The following ABAT variants were observed in gnomAD, a reference collection of about 807,000 sequenced individuals.
ABAT encodes 4-aminobutyrate aminotransferase, also known as 4-aminobutyrate aminotransferase, mitochondrial.
In ABAT, 45 loss-of-function variants were observed where a neutral mutation model predicts 64.6. That is an observed-to-expected ratio of 0.70 (90% CI 0.55 to 0.89). ABAT has a LOEUF of 0.89. ABAT is among the 40% of genes least tolerant of loss of function. The pLI, the probability that ABAT is intolerant of heterozygous loss-of-function variation, is 0.00. For synonymous variants in ABAT, 297 were observed against 250.5 expected, an observed-to-expected ratio of 1.19 and a Z score of -1.75; for missense variants, 633 against 658.4, an observed-to-expected ratio of 0.96 and a Z score of 0.42.
intron 1 of ABAT, among the ~76,000 whole-genome samples, chr16:8,691,048 GA>G (rs34531177): frequency 0.24 from 34,583 of 146,598 alleles, 4,449 homozygotes; most frequent in East Asian, 0.62. Context: ...TGTGTTGGGG[GA>G]AAAAAAAAAA....
intron 1 of ABAT, among the ~76,000 whole-genome samples, chr16:8,690,425 C>A (rs1256682052): frequency 6.6e-6 from 1 of 152,166 alleles, no homozygotes; most frequent in Middle Eastern, 3.2e-3. Flanking sequence ...TGCCTAAGAC[C>A]ACACACCTTC....
intron 1 of ABAT, among the ~76,000 whole-genome samples, chr16:8,683,047 C>T (rs1327822311): frequency 2.0e-5 from 3 of 152,358 alleles, no homozygotes; most frequent in East Asian, 3.9e-4. Flanking sequence ...TGAGCTGAAG[C>T]ATCTTTCAGG....
chr16:8,749,588 A>G (rs1278684623), intron 4 of ABAT, among the ~76,000 whole-genome samples: 1 of 146,286 alleles, frequency 6.8e-6, no homozygotes, highest in Non-Finnish European at 1.5e-5. Flanking sequence ...TAGTAGAGAC[A>G]AGATTTCACC....
At chr16:8,779,909 A>G (rs1030029596) in intron 15 of ABAT, among the ~76,000 whole-genome samples, 1 of 152,186 alleles carries the variant, frequency 6.6e-6, no homozygotes, top group African/African-American at 2.4e-5. Flanking sequence ...GGCTTTACAC[A>G]TGGCATTTCA....
At chr16:8,734,016 T>C (rs1463432083) in intron 1 of ABAT, among the ~76,000 whole-genome samples, 1 of 152,204 alleles carries the variant, frequency 6.6e-6, no homozygotes, top group Non-Finnish European at 1.5e-5. Flanking sequence ...GGATACAGCA[T>C]ATTTTTTCCC....
intron 4 of ABAT, 67 bp downstream of exon 4, chr16:8,748,204 C>T: frequency 2.1e-6 from 3 of 1,416,890 alleles, no homozygotes; most frequent in South Asian, 2.3e-5. Context: ...AAGACAGATG[C>T]TTAATCTGTT....
intron 1 of ABAT, among the ~76,000 whole-genome samples, chr16:8,723,602 G>C (rs1017312818): frequency 2.0e-5 from 3 of 152,004 alleles, no homozygotes; most frequent in African/African-American, 7.3e-5. Flanking sequence ...GCAAGTCAGA[G>C]ACAGAGTAAA....
chr16:8,694,277 C>G (rs1018590215), intron 1 of ABAT, among the ~76,000 whole-genome samples: 2 of 152,008 alleles, frequency 1.3e-5, no homozygotes, highest in African/African-American at 2.4e-5. Flanking sequence ...CCCGCCTCGG[C>G]CTTCCAAAGT....
chr16:8,725,579 C>T (rs1435983398), intron 1 of ABAT, among the ~76,000 whole-genome samples: 2 of 152,194 alleles, frequency 1.3e-5, no homozygotes, highest in East Asian at 1.9e-4. Flanking sequence ...AATAATATTT[C>T]GTTGTAAGGA....
chr16:8,690,464 A>G (rs895945337), intron 1 of ABAT, among the ~76,000 whole-genome samples: 11 of 152,214 alleles, frequency 7.2e-5, no homozygotes, highest in African/African-American at 2.2e-4. Flanking sequence ...GTCTCCAACA[A>G]TATATTTTTC....
rs768593186 is a variant in ABAT, at chr16:8,776,471, C to G, written c.1250C>G (p.Thr417Arg). 2 of 1,614,108 alleles carry G rather than the reference C, an allele frequency of 1.2e-6. No individual in the cohort carries two copies. The highest frequency in any genetic ancestry group is 1.7e-6 in the Non-Finnish European group (2 of 1,180,018). ...NAAHAGKALL[T>R]GLLDLQARYP... ...GCCCATGCCGGGAAGGCCCTGCTCA[C>G]AGGACTGCTGGACCTCCAGGTAACA... The change falls in exon 14 of 16, where the codon ACA becomes AGA. Residue 417 changes from threonine to arginine, a missense_variant. Physicochemically the swap from Thr to Arg is moderately conservative, Grantham distance 71. Transcript: ENST00000268251. The surrounding 1 kb of genome is among the most constrained non-coding windows in gnomAD (Gnocchi z 4.4).
chr16:8,759,080 T>C (rs1273432), intron 6 of ABAT, among the ~76,000 whole-genome samples: 144,747 of 152,084 alleles, frequency 0.95, 69,144 homozygotes, highest in East Asian at 1. Context: ...CCAGCTTGGG[T>C]GACAGAGGGA....
chr16:8,735,754 G>A lies in ABAT; in HGVS notation c.15G>A (p.Leu5=), dbSNP rs1408438024. ...CTCAAGGGGTCATGGCCTCCATGTT[G>A]CTCGCCCAGCGCCTGGCCTGCAGCT... The part of the protein sequence containing the change: MASM[L]LAQRLACSFQ... The change falls in exon 2 of 16, where the codon TTG becomes TTA. Residue 5 remains leucine, a synonymous_variant. Transcript: ENST00000268251. The A allele has an allele frequency of 1.9e-6, 3 of 1,605,802 alleles. No homozygotes were observed. The highest frequency in any genetic ancestry group is 4.5e-5 in the East Asian group (2 of 44,748).
In ABAT at chr16:8,776,368, C is replaced by T. The variant is rs2229158; in HGVS notation, c.1147C>T (p.Leu383=). The change falls in exon 14 of 16, where the codon CTG becomes TTG. Residue 383 remains leucine (L), a synonymous_variant. Transcript: ENST00000268251. This position sits in a 1 kb window ranked among gnomAD's most constrained non-coding sequence, Gnocchi z 4.4. ...GCCCTACCGGATCTTCAACACCTGG[C>T]TGGGGGACCCGTCCAAGAACCTGTT... is the stretch of plus-strand genomic sequence containing the variant. ...NAPYRIFNTW[L]GDPSKNLLLA... 8,122 of 1,614,232 alleles carry T rather than the reference C, an allele frequency of 5.0e-3. 382 individuals carry two copies. The African/African-American group carries it at 0.095, about 19-fold the overall frequency.
chr16:8,759,307 A>G (rs1216630901), intron 6 of ABAT, among the ~76,000 whole-genome samples: 1 of 152,060 alleles, frequency 6.6e-6, no homozygotes, highest in African/African-American at 2.4e-5. Flanking sequence ...AAAATACAGT[A>G]CATATGGAGT....
At chr16:8,779,344 C>T (rs1259099216) in intron 14 of ABAT, 135 bp from the exon 15 acceptor site, 2 of 732,712 alleles carry the variant, frequency 2.7e-6, no homozygotes, top group Non-Finnish European at 2.4e-6. Flanking sequence ...GAGCTCTTAA[C>T]CCCCTGGAGG....
rs1346812519 is a variant in ABAT at position 8,733,030 on chromosome 16, T to C, written c.-41-2669T>C. ...GGCGGCTGGCCTGGCAGGGGGCTGA[T>C]CCCCCCACCTCCCTCCCGGATGGGG... On this transcript the variant is annotated intron_variant, in intron 1 of 15. Coordinates refer to ENST00000268251, the MANE Select transcript of ABAT (RefSeq NM_020686.6). 3.0e-4 allele frequency among the ~76,000 whole-genome samples: 38 copies of C among 127,270 alleles called. 1 individual carries two copies. The highest frequency in any genetic ancestry group is 2.3e-3 in the South Asian group (9 of 3,874). The allele number at this position is 127,270 out of a possible 152,430, so 83.5% of individuals were successfully genotyped here. A position where few individuals can be genotyped will look rare whatever the true frequency, so the allele number is the denominator to read the frequency against.
intron 12 of ABAT, 72 bp from the exon 13 acceptor site, chr16:8,774,818 T>C: frequency 6.3e-7 from 1 of 1,590,274 alleles, no homozygotes; most frequent in East Asian, 2.2e-5. Flanking sequence ...GGCAGTTAGC[T>C]GGCTATGGAG....
chr16:8,757,952 G>T, intron 6 of ABAT, 146 bp downstream of exon 6: 1 of 977,954 alleles, frequency 1.0e-6, no homozygotes, highest in Non-Finnish European at 1.6e-6. Flanking sequence ...CAGGTATGTG[G>T]CATGCCTTGA....
Sources: gnomAD v4.1 joint callset for allele counts (sites outside exome capture counted in the v4.1 genomes callset) on GRCh38, gnomAD v4.1.1 for gene constraint, Gnocchi (gnomAD v3.1) non-coding constraint, MANE v1.5 for transcripts, NCBI Gene and HGNC (gene_info 2026-07-23, HGNC 2026-07-21) for gene names.